The following HLCS variants were observed in gnomAD, a reference collection of about 807,000 sequenced individuals.
HLCS encodes the protein biotin--protein ligase.
In HLCS, 53 loss-of-function variants were observed where a neutral mutation model predicts 75.0. That is an observed-to-expected ratio of 0.71 (90% CI 0.57 to 0.89). The LOEUF is 0.89. HLCS is among the 40% of genes least tolerant of loss of function. The pLI, the probability that HLCS is intolerant of heterozygous loss-of-function variation, is 0.00. For missense variants in HLCS, 966 were observed against 1,074.0 expected, an observed-to-expected ratio of 0.90 and a Z score of 1.41; for synonymous variants, 431 against 428.6, an observed-to-expected ratio of 1.01 and a Z score of -0.07.
intron 3 of HLCS, among the ~76,000 whole-genome samples, chr21:36,938,390 G>A (rs1437440756): frequency 1.3e-5 from 2 of 152,200 alleles, no homozygotes; most frequent in Non-Finnish European, 2.9e-5. Context: ...TGCATGAATT[G>A]TATATTATTA....
At chr21:36,894,544 A>G (rs1601657178) in intron 6 of HLCS, among the ~76,000 whole-genome samples, 1 of 152,162 alleles carries the variant, frequency 6.6e-6, no homozygotes, top group South Asian at 2.1e-4. Flanking sequence ...GAGTAACCTC[A>G]CTTCGTAGTG....
At chr21:36,926,716 C>A (rs2245524) in intron 5 of HLCS, among the ~76,000 whole-genome samples, 59,221 of 150,298 alleles carry the variant, frequency 0.39, 12,011 homozygotes, top group Middle Eastern at 0.52. Context: ...CCCATATATA[C>A]CAGATTTCCT....
intron 5 of HLCS, among the ~76,000 whole-genome samples, chr21:36,906,696 T>C (rs2065470844): frequency 1.6e-5 from 2 of 126,936 alleles, no homozygotes; most frequent in African/African-American, 6.1e-5. Context: ...TTTTTTTTTG[T>C]AGAAATTAAC....
At chr21:36,780,941 AC>A (rs1414136188) in intron 6 of HLCS, among the ~76,000 whole-genome samples, 2 of 61,440 alleles carry the variant, frequency 3.3e-5, no homozygotes, top group Middle Eastern at 0.011. Context: ...CCACCCCCCC[AC>A]CCCCCAGGCT....
chr21:36,859,868 C>T (rs1452844413), intron 6 of HLCS, among the ~76,000 whole-genome samples: 1 of 152,214 alleles, frequency 6.6e-6, no homozygotes, highest in Non-Finnish European at 1.5e-5. Context: ...GGCACAGTGA[C>T]AAGGAGATGG....
intron 6 of HLCS, among the ~76,000 whole-genome samples, chr21:36,829,447 T>G (rs1229397440): frequency 6.6e-6 from 1 of 152,194 alleles, no homozygotes; most frequent in African/African-American, 2.4e-5. Context: ...ATAAACATAA[T>G]TTACAGTATT....
rs2089337845 is a variant in HLCS, at chr21:36,750,640, T to C, written c.*3606A>G. Reference sequence around the variant, plus strand: ...GAGCTATAAGATGGTTAAGGTAGACTAGTGGGGACTGCTACAGATAAAATG... The same window carrying C: ...GAGCTATAAGATGGTTAAGGTAGACCAGTGGGGACTGCTACAGATAAAATG... On this transcript the variant is annotated 3_prime_UTR_variant, in exon 11 of 11. Transcript: ENST00000674895. Among the ~76,000 whole-genome samples, 1 of 152,008 alleles carries C rather than the reference T, an allele frequency of 6.6e-6. No homozygotes were observed.
chr21:36,843,482 G>T (rs1262588313), intron 6 of HLCS, among the ~76,000 whole-genome samples: 1 of 45,532 alleles, frequency 2.2e-5, no homozygotes, highest in African/African-American at 8.7e-5. Flanking sequence ...GAAAGAAAAA[G>T]AAGTATCTGT....
At chr21:36,956,036 C>A (rs1474447081) in intron 2 of HLCS, among the ~76,000 whole-genome samples, 1 of 152,168 alleles carries the variant, frequency 6.6e-6, no homozygotes, top group Non-Finnish European at 1.5e-5. Context: ...TATAAGTACA[C>A]TCTATGATGT....
At chr21:36,942,557 C>G (rs1288690365) in intron 2 of HLCS, among the ~76,000 whole-genome samples, 1 of 152,068 alleles carries the variant, frequency 6.6e-6, no homozygotes, top group East Asian at 1.9e-4. Context: ...CATAAATTGT[C>G]ATGACTTTTG....
intron 1 of HLCS, among the ~76,000 whole-genome samples, chr21:36,989,930 C>A (rs1413444006): frequency 7.5e-6 from 1 of 133,228 alleles, no homozygotes; most frequent in African/African-American, 2.5e-5. Flanking sequence ...GCGGAGGCCG[C>A]GCTGCCCTGG....
chr21:36,981,683 A>T (rs898975532), intron 1 of HLCS, among the ~76,000 whole-genome samples: 13 of 152,200 alleles, frequency 8.5e-5, no homozygotes, highest in African/African-American at 3.1e-4. Flanking sequence ...TACAGCTGTA[A>T]GCCACTGCAT....
chr21:36,927,781 C>G (rs768789439), intron 5 of HLCS, among the ~76,000 whole-genome samples: 1 of 152,088 alleles, frequency 6.6e-6, no homozygotes, highest in Non-Finnish European at 1.5e-5. Context: ...GTCCTGTATG[C>G]GAGGCAGCCT....
chr21:36,803,363 A>G (rs1053841360), intron 6 of HLCS, among the ~76,000 whole-genome samples: 1 of 152,270 alleles, frequency 6.6e-6, no homozygotes, highest in Non-Finnish European at 1.5e-5. Context: ...AGCATGGAAT[A>G]GACTTCCATA....
intron 6 of HLCS, among the ~76,000 whole-genome samples, chr21:36,776,980 G>A (rs901928787): frequency 6.6e-6 from 1 of 152,046 alleles, no homozygotes; most frequent in Admixed American, 6.5e-5. Flanking sequence ...CAGAAAAATT[G>A]TGCAGAAAGA....
At chr21:36,784,991 G>C (rs1002081790) in intron 6 of HLCS, among the ~76,000 whole-genome samples, 1 of 152,130 alleles carries the variant, frequency 6.6e-6, no homozygotes, top group Admixed American at 6.6e-5. Context: ...TGAAGGTAAC[G>C]AATTCCTTCC....
chr21:36,984,256 C>T (rs145718447), intron 1 of HLCS, among the ~76,000 whole-genome samples: 38 of 152,116 alleles, frequency 2.5e-4, no homozygotes, highest in African/African-American at 8.7e-4. Flanking sequence ...CCCCAGTGGA[C>T]GCCTGAACCC....
At chr21:36,854,612 A>AG (rs1291948036) in intron 6 of HLCS, among the ~76,000 whole-genome samples, 1 of 152,212 alleles carries the variant, frequency 6.6e-6, no homozygotes, top group Non-Finnish European at 1.5e-5. Flanking sequence ...CAGAGGTCAC[A>AG]GGAAGGACCC....
At chr21:36,801,738 G>C (rs2145920974) in intron 6 of HLCS, among the ~76,000 whole-genome samples, 1 of 151,656 alleles carries the variant, frequency 6.6e-6, no homozygotes, top group African/African-American at 2.4e-5. Flanking sequence ...ACTGTGAGTA[G>C]TTATGTTCTA....
Sources: gnomAD v4.1 joint callset for allele counts (sites outside exome capture counted in the v4.1 genomes callset) on GRCh38, gnomAD v4.1.1 for gene constraint, MANE v1.5 for transcripts, NCBI Gene and HGNC (gene_info 2026-07-23, HGNC 2026-07-21) for gene names.